FGF14: variants seen among roughly 807,000 people sequenced by gnomAD.
FGF14 encodes the protein fibroblast growth factor homologous factor 4.
Under a neutral mutation model 25.5 loss-of-function variants are expected in FGF14, and 5 were observed. The ratio of observed to expected loss-of-function variants is 0.20; its 90% CI spans 0.10 to 0.41. The LOEUF is 0.41. FGF14 is among the 10% of genes least tolerant of loss of function. The probability of loss-of-function intolerance (pLI) is 1.00; values close to 1 mark genes in which losing one functional copy is unlikely to be tolerated. For synonymous variants in FGF14, 138 were observed against 118.3 expected, an observed-to-expected ratio of 1.17 and a Z score of -1.08; for missense variants, 222 against 320.1, an observed-to-expected ratio of 0.69 and a Z score of 2.34.
intron 1 of FGF14, among the ~76,000 whole-genome samples, chr13:101,974,330 C>T (rs1396065574): frequency 2.0e-5 from 3 of 152,158 alleles, no homozygotes; most frequent in South Asian, 2.1e-4. Context: ...TTAAGTAAAA[C>T]GTTCAAGGTC....
intron 1 of FGF14, among the ~76,000 whole-genome samples, chr13:102,241,293 T>G (rs1181776335): frequency 6.6e-6 from 1 of 151,956 alleles, no homozygotes; most frequent in African/African-American, 2.4e-5. Flanking sequence ...AGAAAACTTA[T>G]AACAAAAAAA....
chr13:101,856,320 T>C (rs1455534125), intron 3 of FGF14, among the ~76,000 whole-genome samples: 1 of 151,804 alleles, frequency 6.6e-6, no homozygotes. Flanking sequence ...TTTTGAAAAA[T>C]AGTGTAGAAT....
chr13:102,155,966 T>C (rs1318528107), intron 1 of FGF14, among the ~76,000 whole-genome samples: 3 of 152,126 alleles, frequency 2.0e-5, no homozygotes, highest in Non-Finnish European at 4.4e-5. Flanking sequence ...CAGGAAGAAG[T>C]TGAATCTCTG....
intron 3 of FGF14, among the ~76,000 whole-genome samples, chr13:101,789,818 CT>C (rs891822609): frequency 8.0e-6 from 1 of 125,172 alleles, no homozygotes; most frequent in Non-Finnish European, 1.7e-5. Flanking sequence ...TTAATAAGGA[CT>C]TTTTATTAAA....
At chr13:102,195,245 A>AT (rs1345109105) in intron 1 of FGF14, among the ~76,000 whole-genome samples, 2 of 152,114 alleles carry the variant, frequency 1.3e-5, no homozygotes, top group Non-Finnish European at 2.9e-5. Flanking sequence ...TTGGTTTGTA[A>AT]TTTTTTCCCT....
intron 1 of FGF14, among the ~76,000 whole-genome samples, chr13:102,374,234 C>G (rs186539644): frequency 6.6e-6 from 1 of 152,216 alleles, no homozygotes; most frequent in East Asian, 1.9e-4. Context: ...ACTTCTCTTT[C>G]AAGTTCTGAT....
At chr13:101,855,732 A>G (rs555607733) in intron 3 of FGF14, among the ~76,000 whole-genome samples, 1 of 151,972 alleles carries the variant, frequency 6.6e-6, no homozygotes, top group African/African-American at 2.4e-5. Context: ...AGCATAAAGT[A>G]AAATAAAGAC....
intron 1 of FGF14, among the ~76,000 whole-genome samples, chr13:102,357,125 T>TG (rs924095740): frequency 8.0e-5 from 12 of 149,302 alleles, no homozygotes; most frequent in African/African-American, 2.5e-4. Flanking sequence ...ATTATAATGT[T>TG]TTTTTTTTTT....
intron 3 of FGF14, among the ~76,000 whole-genome samples, chr13:101,774,879 C>A (rs529348712): frequency 2.0e-5 from 3 of 150,464 alleles, no homozygotes; most frequent in African/African-American, 7.4e-5. Flanking sequence ...ATGGTGAAAC[C>A]GTGTCTCTAC....
At chr13:102,031,883 A>T (rs1316652570) in intron 1 of FGF14, among the ~76,000 whole-genome samples, 1 of 152,114 alleles carries the variant, frequency 6.6e-6, no homozygotes, top group Non-Finnish European at 1.5e-5. Context: ...AATAATGGTG[A>T]TGAGATTTCT....
intron 1 of FGF14, 98 bp from the exon 2 acceptor site, chr13:101,875,394 T>C (rs1830666678): frequency 1.2e-6 from 1 of 806,582 alleles, no homozygotes; most frequent in Non-Finnish European, 2.1e-6. Context: ...GAGGACATTT[T>C]ATACAAGTAG....
intron 1 of FGF14, among the ~76,000 whole-genome samples, chr13:101,966,451 T>G (rs1258533291): frequency 6.6e-6 from 1 of 151,266 alleles, no homozygotes; most frequent in Non-Finnish European, 1.5e-5. Flanking sequence ...ATTCCAGAAC[T>G]GTTAGAGAAT....
chr13:102,190,741 A>G (rs1344407519), intron 1 of FGF14, among the ~76,000 whole-genome samples: 1 of 152,180 alleles, frequency 6.6e-6, no homozygotes, highest in Non-Finnish European at 1.5e-5. Flanking sequence ...AAGGCTTCCA[A>G]ATATCTGCTC....
intron 1 of FGF14, among the ~76,000 whole-genome samples, chr13:101,984,648 A>G (rs935616870): frequency 2.6e-5 from 4 of 151,968 alleles, no homozygotes; most frequent in South Asian, 2.1e-4. Context: ...ACAACTATCA[A>G]TTTCCATAAA....
At chr13:101,998,931 T>A (rs2139717981) in intron 1 of FGF14, among the ~76,000 whole-genome samples, 1 of 152,304 alleles carries the variant, frequency 6.6e-6, no homozygotes, top group Admixed American at 6.5e-5. Context: ...ATTTTTTTCT[T>A]TTCCAAAATA....
chr13:101,910,982 T>C (rs981009229), intron 1 of FGF14, among the ~76,000 whole-genome samples: 3 of 151,920 alleles, frequency 2.0e-5, no homozygotes, highest in Admixed American at 6.6e-5. Flanking sequence ...CTAAAGTTTC[T>C]CAACATTTGG....
intron 1 of FGF14, among the ~76,000 whole-genome samples, chr13:101,981,643 T>TAA (rs200711106): frequency 1.5e-4 from 14 of 91,680 alleles, no homozygotes; most frequent in Non-Finnish European, 2.8e-4. Context: ...TGGCCATAAT[T>TAA]AAAAAACAAC....
intron 1 of FGF14, among the ~76,000 whole-genome samples, chr13:102,085,431 T>G (rs566876740): frequency 6.6e-6 from 1 of 152,300 alleles, no homozygotes; most frequent in African/African-American, 2.4e-5. Context: ...CAATTTAAAT[T>G]TTTATATTAT....
At position 101,748,733 on chromosome 13, in the gene FGF14, A is replaced by G. The variant is rs2037060502; in HGVS notation, c.409-21923T>C. 2.1e-5 allele frequency among the ~76,000 whole-genome samples: 3 copies of G among 143,194 alleles called. No individual in the cohort carries two copies. The South Asian group carries it at 7.2e-4, about 34-fold the overall frequency. 93.9% of individuals were successfully genotyped at this position (143,194 alleles called of 152,430 possible). On this transcript the variant is annotated intron_variant, in intron 3 of 4. Transcript: ENST00000376143. ...AAATCTTGCAGCCACTAAGGAAAAG[A>G]GTATGGAGGTTTCTAAAAAAAAAAA... is the stretch of plus-strand genomic sequence containing the variant.
Sources: allele counts gnomAD v4.1 joint callset (sites outside exome capture counted in the v4.1 genomes callset), GRCh38; gene constraint gnomAD v4.1.1; transcripts MANE v1.5; gene names NCBI Gene and HGNC (gene_info 2026-07-23, HGNC 2026-07-21).